Variants in COL8A1 observed in about 807,000 individuals in gnomAD.
COL8A1 encodes collagen alpha-1(VIII) chain.
A neutral mutation model predicts 42.7 loss-of-function variants in COL8A1; 21 were observed. That is an observed-to-expected ratio of 0.49 (90% confidence interval 0.35 to 0.71). The LOEUF (loss-of-function observed/expected upper bound fraction) is 0.71. Ranked by LOEUF, COL8A1 falls within the 30% of genes least tolerant of loss-of-function variation. The probability of loss-of-function intolerance (pLI) is 0.01; values close to 1 mark genes in which losing one functional copy is unlikely to be tolerated. For missense variants in COL8A1, 788 were observed against 962.4 expected (o/e 0.82, Z 2.40); for synonymous variants, 367 against 369.1 (o/e 0.99, Z 0.06).
chr3:99,719,122 G>C (rs1940081018), intron 1 of COL8A1, among the ~76,000 whole-genome samples: 1 of 151,820 alleles, frequency 6.6e-6, no homozygotes, highest in Non-Finnish European at 1.5e-5. Flanking sequence ...TTTGTTGTAA[G>C]GATTAAACTG....
chr3:99,710,135 C>A (rs906183189), intron 1 of COL8A1, among the ~76,000 whole-genome samples: 6 of 152,114 alleles, frequency 3.9e-5, no homozygotes, highest in Non-Finnish European at 7.4e-5. Context: ...AAGGCTGTAT[C>A]GCTGAAATAA....
chr3:99,669,977 C>A (rs1559773526), intron 1 of COL8A1, among the ~76,000 whole-genome samples: 1 of 151,980 alleles, frequency 6.6e-6, no homozygotes, highest in East Asian at 1.9e-4. Flanking sequence ...TCTTGAACTA[C>A]AAAATTCTGT....
chr3:99,781,568 C>T (rs1485514314), intron 2 of COL8A1, among the ~76,000 whole-genome samples: 1 of 152,126 alleles, frequency 6.6e-6, no homozygotes, highest in Non-Finnish European at 1.5e-5. Flanking sequence ...TCTAAATAAA[C>T]ATTTTTACGA....
At chr3:99,674,391 C>T (rs189275339) in intron 1 of COL8A1, among the ~76,000 whole-genome samples, 1 of 151,766 alleles carries the variant, frequency 6.6e-6, no homozygotes, top group African/African-American at 2.4e-5. Flanking sequence ...CTCCACCCAA[C>T]TTCTGTTCCA....
intron 1 of COL8A1, among the ~76,000 whole-genome samples, chr3:99,672,541 A>G (rs948767576): frequency 6.6e-6 from 1 of 151,596 alleles, no homozygotes; most frequent in East Asian, 1.9e-4. Context: ...TAGAATTTAT[A>G]TTTGGTTCCT....
rs374325905 is a variant in COL8A1 at position 99,645,598 on chromosome 3, AT to A, written c.-129+6937del. On this transcript the variant is annotated intron_variant, in intron 1 of 3. Transcript: ENST00000652472. ...ATCTGGTCCCAGAAGGGGCCTTTAG[AT>A]TTAAGTTTTTCGGATCGAAGGCAGA... is the stretch of plus-strand genomic sequence containing the variant. Among the ~76,000 whole-genome samples the A allele has an allele frequency of 1.9e-3, 294 of 152,056 alleles. 2 individuals carry two copies. Among genetic ancestry groups the A allele is most frequent in the African/African-American group, 6.7e-3 (278 of 41,480 alleles).
intron 1 of COL8A1, among the ~76,000 whole-genome samples, chr3:99,658,288 T>A (rs1360575175): frequency 1.3e-5 from 2 of 152,074 alleles, no homozygotes; most frequent in Non-Finnish European, 2.9e-5. Flanking sequence ...CAGTTACAGC[T>A]CTCTTTGAAA....
chr3:99,645,561 C>T (rs1157066245), intron 1 of COL8A1, among the ~76,000 whole-genome samples: 1 of 152,020 alleles, frequency 6.6e-6, no homozygotes, highest in Non-Finnish European at 1.5e-5. Flanking sequence ...CTGGGTGTCT[C>T]AATAGAAACT....
chr3:99,775,244 A>C (rs569752384), intron 2 of COL8A1, among the ~76,000 whole-genome samples: 46 of 152,284 alleles, frequency 3.0e-4, no homozygotes, highest in African/African-American at 1.1e-3. Context: ...ATCATGGCTA[A>C]AGAAAGCACC....
At chr3:99,642,090 T>C (rs1262368504) in intron 1 of COL8A1, among the ~76,000 whole-genome samples, 1 of 152,186 alleles carries the variant, frequency 6.6e-6, no homozygotes, top group African/African-American at 2.4e-5. Flanking sequence ...CTGGCAGATA[T>C]TAACAGCAGG....
intron 3 of COL8A1, among the ~76,000 whole-genome samples, chr3:99,791,879 T>C (rs973516566): frequency 2.0e-5 from 3 of 152,228 alleles, no homozygotes; most frequent in Admixed American, 2.0e-4. Flanking sequence ...TTTTTCTTCA[T>C]TTGTAAAATA....
intron 1 of COL8A1, among the ~76,000 whole-genome samples, chr3:99,680,832 C>T (rs1938853916): frequency 6.6e-6 from 1 of 152,040 alleles, no homozygotes; most frequent in Non-Finnish European, 1.5e-5. Context: ...AGAAATAATA[C>T]CACACATCTA....
chr3:99,710,121 TA>T (rs1263871075), intron 1 of COL8A1, among the ~76,000 whole-genome samples: 4 of 152,146 alleles, frequency 2.6e-5, no homozygotes, highest in Non-Finnish European at 4.4e-5. Context: ...CATTTAACAC[TA>T]AAAAGGCTGT....
At chr3:99,792,375 G>T (rs1942017383) in intron 3 of COL8A1, among the ~76,000 whole-genome samples, 1 of 152,152 alleles carries the variant, frequency 6.6e-6, no homozygotes, top group Non-Finnish European at 1.5e-5. Flanking sequence ...GGATTAAGGT[G>T]CTACTAGTGA....
Position 99,687,863 on chromosome 3 carries a change from G to A in COL8A1, c.-129+49199G>A, listed in dbSNP as rs556385848. ...TAGTTGTTCAGCTACTGTCACAATA[G>A]TTCCTTGTACTCTGCATCTTCCAAC... is the stretch of plus-strand genomic sequence containing the variant. On this transcript the variant is annotated intron_variant, in intron 1 of 3. Coordinates refer to ENST00000652472, the MANE Select transcript of COL8A1 (RefSeq NM_020351.4). 3.9e-5 allele frequency among the ~76,000 whole-genome samples: 6 copies of A among 152,282 alleles called. No homozygotes were observed. The East Asian group carries it at 1.2e-3, about 29-fold the overall frequency.
chr3:99,731,879 A>G (rs1311488849), intron 1 of COL8A1, among the ~76,000 whole-genome samples: 2 of 152,184 alleles, frequency 1.3e-5, no homozygotes, highest in Non-Finnish European at 2.9e-5. Flanking sequence ...AACACTCATG[A>G]ACAATTATTA....
intron 1 of COL8A1, among the ~76,000 whole-genome samples, chr3:99,728,276 T>G (rs1191557809): frequency 6.6e-6 from 1 of 152,098 alleles, no homozygotes; most frequent in African/African-American, 2.4e-5. Context: ...CTTAAGCTGA[T>G]AAGCAACTTC....
chr3:99,764,607 A>G (rs1240840444), intron 2 of COL8A1, among the ~76,000 whole-genome samples: 1 of 152,150 alleles, frequency 6.6e-6, no homozygotes, highest in Non-Finnish European at 1.5e-5. Context: ...CATGCTATTT[A>G]AAACCTCTGT....
chr3:99,643,655 A>G (rs1220355064), intron 1 of COL8A1, among the ~76,000 whole-genome samples: 1 of 152,232 alleles, frequency 6.6e-6, no homozygotes, highest in Non-Finnish European at 1.5e-5. Context: ...TGGGAAATCT[A>G]GAAGAGTTCA....
Sources: gnomAD v4.1 joint callset for allele counts (sites outside exome capture counted in the v4.1 genomes callset) on GRCh38, gnomAD v4.1.1 for gene constraint, MANE v1.5 for transcripts, NCBI Gene and HGNC (gene_info 2026-07-23, HGNC 2026-07-21) for gene names.